Variants in ARHGAP44 observed in about 807,000 individuals in gnomAD.
ARHGAP44 encodes the protein rho GTPase-activating protein 44.
In ARHGAP44, 43 loss-of-function variants were observed where a neutral mutation model predicts 106.8. That is an observed-to-expected ratio of 0.40 (90% CI 0.32 to 0.52). ARHGAP44 has a LOEUF of 0.52. Among genes scored for constraint, ARHGAP44 ranks in the 20% least tolerant of loss-of-function variants. The pLI is 0.48. For synonymous variants in ARHGAP44, 439 were observed against 410.3 expected, an observed-to-expected ratio of 1.07 and a Z score of -0.85; for missense variants, 866 against 1,050.5, an observed-to-expected ratio of 0.82 and a Z score of 2.43.
At chr17:12,855,049 G>T (rs192116594) in intron 1 of ARHGAP44, among the ~76,000 whole-genome samples, 13 of 151,978 alleles carry the variant, frequency 8.6e-5, no homozygotes, top group African/African-American at 3.1e-4. Flanking sequence ...AGGACAGGAA[G>T]GGGAGGCTTT....
intron 1 of ARHGAP44, among the ~76,000 whole-genome samples, chr17:12,858,416 G>A (rs979629299): frequency 6.6e-6 from 1 of 152,178 alleles, no homozygotes; most frequent in Non-Finnish European, 1.5e-5. Context: ...GATCTTGCAG[G>A]TGTGCAAGGA....
chr17:12,869,192 T>A (rs928830591), intron 1 of ARHGAP44, among the ~76,000 whole-genome samples: 1 of 152,114 alleles, frequency 6.6e-6, no homozygotes, highest in African/African-American at 2.4e-5. Flanking sequence ...GGATTAGAGA[T>A]TTAAAAATAA....
intron 3 of ARHGAP44, among the ~76,000 whole-genome samples, chr17:12,898,784 C>T (rs1272620799): frequency 6.6e-6 from 1 of 152,066 alleles, no homozygotes; most frequent in Non-Finnish European, 1.5e-5. Context: ...CCATGATTCA[C>T]CAGCGAGGAC....
At chr17:12,906,734 A>G (rs945725356) in intron 3 of ARHGAP44, among the ~76,000 whole-genome samples, 1 of 152,110 alleles carries the variant, frequency 6.6e-6, no homozygotes, top group African/African-American at 2.4e-5. Context: ...GAGGAGTTCA[A>G]GACCAGCTTG....
rs543868814 is a variant in ARHGAP44 at position 12,984,582 on chromosome 17, G to A, written c.1991G>A (p.Gly664Glu). 2 of 1,582,536 alleles carry A rather than the reference G, an allele frequency of 1.3e-6. No homozygotes were observed. The highest frequency in any genetic ancestry group is 1.7e-6 in the Non-Finnish European group (2 of 1,165,096). The change falls in exon 20 of 21, where the codon GGG (glycine) becomes GAG (glutamate). Residue 664 changes from glycine (G) to glutamate (E), a missense_variant. Gly to Glu is a moderately conservative substitution (Grantham distance 98). Coordinates refer to ENST00000379672, the MANE Select transcript of ARHGAP44 (RefSeq NM_014859.6). The part of the protein sequence containing the change: ...IPPKVPFGQP[G>E]AMADQSAGQP... ...CCCAAGGTCCCCTTTGGCCAGCCGG[G>A]GGCTATGGCAGACCAGTCCGCTGGC...
intron 13 of ARHGAP44, among the ~76,000 whole-genome samples, chr17:12,955,405 G>A (rs1016544558): frequency 4.6e-5 from 7 of 152,154 alleles, no homozygotes; most frequent in Non-Finnish European, 7.3e-5. Flanking sequence ...TACTAAGTCT[G>A]TGTTGGACTT....
In ARHGAP44 at chr17:12,989,938, C is replaced by T. The variant is rs958201893; in HGVS notation, c.2318-94C>T. On this transcript the variant is annotated intron_variant, in intron 20 of 20. Transcript: ENST00000379672. ...GATCTATCCCTAGAATAGCAGCACC[C>T]CTGCCTCCTAAGGCTGACATTATTT... is the stretch of plus-strand genomic sequence containing the variant. 9.2e-6 allele frequency: 14 copies of T among 1,525,028 alleles called. No individual in the cohort carries two copies. The African/African-American group carries it at 1.5e-4, about 16-fold the overall frequency. 94.5% of individuals were successfully genotyped at this position (1,525,028 alleles called of 1,614,324 possible).
chr17:12,973,934 G>C, intron 17 of ARHGAP44, 155 bp from the exon 18 acceptor site: 1 of 802,294 alleles, frequency 1.2e-6, no homozygotes, highest in African/African-American at 1.7e-5. Flanking sequence ...AGGGTGCTGG[G>C]AGCACAGCCC....
chr17:12,887,585 A>T (rs117082785), intron 1 of ARHGAP44, among the ~76,000 whole-genome samples: 314 of 152,254 alleles, frequency 2.1e-3, no homozygotes, highest in Middle Eastern at 3.4e-3. Context: ...ATATTCATAG[A>T]GGAATATTGG....
intron 1 of ARHGAP44, among the ~76,000 whole-genome samples, chr17:12,825,177 C>T (rs1485216378): frequency 1.3e-5 from 2 of 151,986 alleles, no homozygotes; most frequent in Non-Finnish European, 2.9e-5. Context: ...ACTGGGACTA[C>T]AGGCACATGC....
At chr17:12,899,556 G>A (rs959819507) in intron 3 of ARHGAP44, among the ~76,000 whole-genome samples, 4 of 151,708 alleles carry the variant, frequency 2.6e-5, no homozygotes, top group Admixed American at 6.6e-5. Flanking sequence ...TGTCAAGATC[G>A]GAGCAATGGG....
intron 4 of ARHGAP44, among the ~76,000 whole-genome samples, chr17:12,911,703 A>T (rs2037743315): frequency 6.6e-6 from 1 of 152,182 alleles, no homozygotes. Flanking sequence ...AGAGGGGATA[A>T]GAGAGCATCT....
In ARHGAP44 at chr17:12,950,639, G is replaced by A. The variant is rs79798942; in HGVS notation, c.1055+909G>A. ...TTGGAGGAATGTACTTTTACTGAGC[G>A]AATGGACCCCCACACAACAGCAGGG... On this transcript the variant is annotated intron_variant, in intron 12 of 20. Transcript: ENST00000379672. Among the ~76,000 whole-genome samples the A allele has an allele frequency of 4.5e-3, 684 of 152,200 alleles. 22 individuals carry two copies. The South Asian group carries it at 0.065, about 14-fold the overall frequency.
At chr17:12,819,339 T>C (rs1000981636) in intron 1 of ARHGAP44, among the ~76,000 whole-genome samples, 1 of 152,034 alleles carries the variant, frequency 6.6e-6, no homozygotes. Flanking sequence ...CATTCACCTA[T>C]TGGTGGACAT....
At chr17:12,904,805 A>G (rs553503706) in intron 3 of ARHGAP44, among the ~76,000 whole-genome samples, 1 of 152,244 alleles carries the variant, frequency 6.6e-6, no homozygotes, top group East Asian at 1.9e-4. Context: ...AAATCTGGTC[A>G]CTATTAGGGT....
chr17:12,791,133 G>A (rs1365907728), intron 1 of ARHGAP44, among the ~76,000 whole-genome samples: 1 of 152,094 alleles, frequency 6.6e-6, no homozygotes, highest in Non-Finnish European at 1.5e-5. Flanking sequence ...CAGGGGATGC[G>A]GTGGCTTCTT....
At chr17:12,874,270 C>G (rs1262837357) in intron 1 of ARHGAP44, among the ~76,000 whole-genome samples, 1 of 152,222 alleles carries the variant, frequency 6.6e-6, no homozygotes, top group Non-Finnish European at 1.5e-5. Flanking sequence ...TGTCTCATGG[C>G]TGAAGACCGG....
intron 1 of ARHGAP44, among the ~76,000 whole-genome samples, chr17:12,853,110 C>G (rs2035809551): frequency 1.3e-5 from 2 of 152,184 alleles, no homozygotes; most frequent in Admixed American, 1.3e-4. Context: ...GGAAGCCAGT[C>G]TGAGTCCCGA....
chr17:12,988,469 G>A (rs2040014436), intron 20 of ARHGAP44: 1 of 152,206 alleles, frequency 6.6e-6, no homozygotes, highest in Non-Finnish European at 1.5e-5. Context: ...AGCTGGGGAA[G>A]GGCAGAGGTG....
Sources: allele counts gnomAD v4.1 joint callset (sites outside exome capture counted in the v4.1 genomes callset), GRCh38; gene constraint gnomAD v4.1.1; transcripts MANE v1.5; gene names NCBI Gene and HGNC (gene_info 2026-07-23, HGNC 2026-07-21).